Variants in METTL15 observed in about 807,000 individuals in gnomAD.
METTL15 encodes 12S rRNA N(4)-cytidine methyltransferase METTL15.
In METTL15, 34 loss-of-function variants were observed where a neutral mutation model predicts 38.3. The observed-to-expected ratio is 0.89, with a 90% CI of 0.68 to 1.18. The LOEUF (loss-of-function observed/expected upper bound fraction) is 1.18, where lower values mean the gene tolerates loss of function less well. METTL15 is among the 50% of genes most tolerant of loss of function. The probability of loss-of-function intolerance (pLI) is 0.00; values close to 1 mark genes in which losing one functional copy is unlikely to be tolerated. For missense variants in METTL15, 438 were observed against 498.4 expected (o/e 0.88, Z 1.15); for synonymous variants, 162 against 170.9 (o/e 0.95, Z 0.41).
At chr11:28,167,733 A>G in intron 3 of METTL15, among the ~76,000 whole-genome samples, 1 of 151,858 alleles carries the variant, frequency 6.6e-6, no homozygotes, top group East Asian at 1.9e-4. Context: ...TCTAGTATCA[A>G]TATACTAGAT....
At chr11:28,241,426 C>T (rs1440882739) in intron 4 of METTL15, among the ~76,000 whole-genome samples, 2 of 151,262 alleles carry the variant, frequency 1.3e-5, no homozygotes, top group Non-Finnish European at 2.9e-5. Context: ...CCCAGCTACT[C>T]GGGAGGCTGA....
intron 6 of METTL15, among the ~76,000 whole-genome samples, chr11:28,316,879 G>A (rs1857499443): frequency 1.3e-5 from 2 of 152,154 alleles, no homozygotes; most frequent in South Asian, 2.1e-4. Flanking sequence ...CACCATGATT[G>A]TGAAGCTTCC....
chr11:28,354,423 A>G (rs889235994), intron 4 of METTL15, among the ~76,000 whole-genome samples: 4 of 152,210 alleles, frequency 2.6e-5, no homozygotes, highest in African/African-American at 9.6e-5. Context: ...TTCTTGGGTC[A>G]TGGCATACTA....
chr11:28,281,573 C>T (rs1433748178), intron 4 of METTL15, among the ~76,000 whole-genome samples: 2 of 152,152 alleles, frequency 1.3e-5, no homozygotes, highest in East Asian at 1.9e-4. Context: ...TAGTTTTGCT[C>T]TCTGGAAGAG....
intron 3 of METTL15, among the ~76,000 whole-genome samples, chr11:28,201,247 G>A (rs11030239): frequency 0.38 from 57,111 of 151,858 alleles, 12,280 homozygotes; most frequent in African/African-American, 0.59. Context: ...AAGCCAACTT[G>A]ATCATGGTGG....
At chr11:28,166,792 G>T (rs1274757232) in intron 3 of METTL15, among the ~76,000 whole-genome samples, 1 of 151,910 alleles carries the variant, frequency 6.6e-6, no homozygotes, top group African/African-American at 2.4e-5. Context: ...CTACCAAAAA[G>T]GCAAAAATTA....
At chr11:28,458,067 T>C (rs1029581854) in intron 6 of METTL15, among the ~76,000 whole-genome samples, 16 of 152,148 alleles carry the variant, frequency 1.1e-4, no homozygotes, top group Non-Finnish European at 1.5e-5. Context: ...ATCTTATCTT[T>C]CATGAGGAGA....
At chr11:28,452,801 G>A (rs1037773644) in intron 6 of METTL15, among the ~76,000 whole-genome samples, 3 of 152,176 alleles carry the variant, frequency 2.0e-5, no homozygotes, top group African/African-American at 7.2e-5. Flanking sequence ...AGCCACTGGA[G>A]CGTTTGGGAA....
chr11:28,485,182 T>C (rs758731336), intron 6 of METTL15, among the ~76,000 whole-genome samples: 2 of 151,968 alleles, frequency 1.3e-5, no homozygotes, highest in Non-Finnish European at 2.9e-5. Context: ...CATTCTTGTT[T>C]CAGCTGTTTA....
In METTL15 at chr11:28,463,572, C is replaced by G. The variant is rs540095476; in HGVS notation, c.*424+39208C>G. On this transcript the variant is annotated intron_variant and NMD_transcript_variant, in intron 6 of 7. Coordinates refer to the METTL15 transcript ENST00000532947. ...ACAAAGTTTCGAAGATTGAAGGGCT[C>G]TAAGTCATATGATTCTGAAACTGCA... is the stretch of plus-strand genomic sequence containing the variant. 9.1e-4 allele frequency among the ~76,000 whole-genome samples: 139 copies of G among 152,204 alleles called. 6 individuals are homozygous for G. The South Asian group carries it at 0.027, about 30-fold the overall frequency.
chr11:28,133,395 T>C (rs200526390), intron 3 of METTL15, among the ~76,000 whole-genome samples: 2 of 152,138 alleles, frequency 1.3e-5, no homozygotes, highest in Admixed American at 6.6e-5. Flanking sequence ...ATTTGATCAA[T>C]TGAGGAAGAT....
At chr11:28,336,357 G>A (rs1849900958), downstream of METTL15, among the ~76,000 whole-genome samples, 1 of 152,132 alleles carries the variant, frequency 6.6e-6, no homozygotes, top group Non-Finnish European at 1.5e-5. Flanking sequence ...AACCTACAGA[G>A]TCTTTATAGT....
intron 6 of METTL15, among the ~76,000 whole-genome samples, chr11:28,502,440 C>A (rs758000953): frequency 3.3e-5 from 5 of 152,164 alleles, no homozygotes; most frequent in African/African-American, 4.8e-5. Context: ...TTTATACACA[C>A]AAACCCATGG....
intron 4 of METTL15, among the ~76,000 whole-genome samples, chr11:28,262,105 T>G (rs1855228123): frequency 6.6e-6 from 1 of 152,114 alleles, no homozygotes; most frequent in Non-Finnish European, 1.5e-5. Context: ...AGAGCAGATT[T>G]AATACAAATC....
intron 6 of METTL15, among the ~76,000 whole-genome samples, chr11:28,480,436 G>A (rs1311826733): frequency 6.6e-6 from 1 of 152,070 alleles, no homozygotes; most frequent in Non-Finnish European, 1.5e-5. Context: ...ATTTATTGAT[G>A]TTGTTTTTAA....
At chr11:28,262,012 C>T (rs533763997) in intron 4 of METTL15, among the ~76,000 whole-genome samples, 1 of 152,238 alleles carries the variant, frequency 6.6e-6, no homozygotes, top group South Asian at 2.1e-4. Context: ...AGAATCTAAA[C>T]CAAGGCAGTC....
intron 6 of METTL15, among the ~76,000 whole-genome samples, chr11:28,468,376 T>TC (rs1288751420): frequency 6.6e-6 from 1 of 152,084 alleles, no homozygotes; most frequent in African/African-American, 2.4e-5. Context: ...GGTAGTGCGT[T>TC]CACGAAAAAA....
intron 6 of METTL15, among the ~76,000 whole-genome samples, chr11:28,484,620 C>T (rs1851423120): frequency 6.6e-6 from 1 of 152,048 alleles, no homozygotes; most frequent in Admixed American, 6.6e-5. Flanking sequence ...CTGTATCTCC[C>T]CAACATCCTA....
chr11:28,482,532 A>G (rs1851404121), intron 6 of METTL15, among the ~76,000 whole-genome samples: 1 of 152,216 alleles, frequency 6.6e-6, no homozygotes, highest in Non-Finnish European at 1.5e-5. Flanking sequence ...TCTCGTTATT[A>G]GTAAATATTA....
Sources: allele counts gnomAD v4.1 joint callset (sites outside exome capture counted in the v4.1 genomes callset), GRCh38; gene constraint gnomAD v4.1.1; transcripts MANE v1.5; gene names NCBI Gene and HGNC (gene_info 2026-07-23, HGNC 2026-07-21).